WRNIP1: variants seen among roughly 807,000 people sequenced by gnomAD.
WRNIP1 encodes WRN helicase interacting protein 1, also known as ATPase WRNIP1.
WRNIP1 carries 41 observed loss-of-function variants against 56.1 expected under a neutral mutation model. That is an observed-to-expected ratio of 0.73 (90% CI 0.57 to 0.95). The LOEUF (loss-of-function observed/expected upper bound fraction) is 0.95. WRNIP1 is among the 40% of genes least tolerant of loss of function. WRNIP1 has a pLI of 0.00. For missense variants in WRNIP1, 1,170 were observed against 939.4 expected (o/e 1.25, Z -3.21); for synonymous variants, 547 against 398.1 (o/e 1.37, Z -4.45).
chr6:2,783,573 G>T lies in WRNIP1; in HGVS notation c.1642+12G>T. ...CAGCGAGGACATAGGTGAGTGTGAT[G>T]GGAGGGTCCCGGAGTCCTATGTCCA... On this transcript the variant is annotated intron_variant, in intron 5 of 6. Transcript: ENST00000380773. The T allele has an allele frequency of 6.3e-7, 1 of 1,594,922 alleles. No homozygotes were observed. The highest frequency in any genetic ancestry group is 1.1e-5 in the South Asian group (1 of 89,214).
In WRNIP1 at chr6:2,770,210, C is replaced by A. The variant is rs1297010919; in HGVS notation, c.1105C>A (p.Leu369Met). 6.2e-7 allele frequency: 1 copy of A among 1,614,226 alleles called. No individual in the cohort carries two copies. The highest frequency in any genetic ancestry group is 8.5e-7 in the Non-Finnish European group (1 of 1,180,046). The change falls in exon 3 of 7, where the codon CTG becomes ATG. Residue 369 changes from leucine (L) to methionine (M), a missense_variant. Physicochemically the swap from Leu to Met is conservative, Grantham distance 15. Transcript: ENST00000380773. ...NPSFQVNAALLSRCRVIVLEK... is the reference protein window; with the variant it reads ...NPSFQVNAALMSRCRVIVLEK... Reference sequence around the variant, plus strand: ...TTCCTTCCAGGTCAACGCTGCTCTTCTGAGCCGCTGTCGAGTGATTGTTCT... The same window carrying A: ...TTCCTTCCAGGTCAACGCTGCTCTTATGAGCCGCTGTCGAGTGATTGTTCT...
At position 2,784,908 on chromosome 6, in the gene WRNIP1, ATCT is replaced by A. The variant is rs1305580919; in HGVS notation, c.1723-95_1723-93del. On this transcript the variant is annotated intron_variant, in intron 6 of 6. Transcript: ENST00000380773. ...AGGGGGATAATAAAAGCATGTGGGG[ATCT>A]TCTCAGAATTACCTAGAGCTGTGTA... 3.5e-6 allele frequency: 5 copies of A among 1,432,900 alleles called. No individual in the cohort carries two copies. The South Asian group carries it at 4.0e-5, about 11-fold the overall frequency. The allele number at this position is 1,432,900 out of a possible 1,614,324, so 88.8% of individuals were successfully genotyped here.
chr6:2,777,327 A>C (rs1337417480), intron 3 of WRNIP1, among the ~76,000 whole-genome samples: 1 of 140,358 alleles, frequency 7.1e-6, no homozygotes, highest in Non-Finnish European at 1.6e-5. Context: ...TGCTCCGCAT[A>C]GTAGGGATGA....
In WRNIP1 at chr6:2,784,309, C is replaced by T. The variant is rs1765655520; in HGVS notation, c.1643-15C>T. Reference sequence around the variant, plus strand: ...TGTCATGACTGAAACTCTCCTTTGTCTCTGTGTGTGGCAGGTCTGGCAGAC... The same window carrying T: ...TGTCATGACTGAAACTCTCCTTTGTTTCTGTGTGTGGCAGGTCTGGCAGAC... On this transcript the variant is annotated splice_polypyrimidine_tract_variant and intron_variant, in intron 5 of 6. Transcript: ENST00000380773. 1.2e-6 allele frequency: 2 copies of T among 1,611,198 alleles called. No homozygotes were observed. Among genetic ancestry groups the T allele is most frequent in the African/African-American group, 1.3e-5 (1 of 74,872 alleles).
Position 2,765,583 on chromosome 6 carries a change from G to T in WRNIP1, c.-40G>T. 1 of 1,451,572 alleles carries T rather than the reference G, an allele frequency of 6.9e-7. No individual in the cohort carries two copies. Among genetic ancestry groups the T allele is most frequent in the Non-Finnish European group, 9.0e-7 (1 of 1,107,988 alleles). The allele number at this position is 1,451,572 out of a possible 1,614,324, so 89.9% of individuals were successfully genotyped here. A position where few individuals can be genotyped will look rare whatever the true frequency, so the allele number is the denominator to read the frequency against. ...GAAGGCCTCCGCGTGCGCACGGGTTGCTGCGGCCGCGCCGGGCGCCGGGGA... is the reference window on the plus strand; with the variant it reads ...GAAGGCCTCCGCGTGCGCACGGGTTTCTGCGGCCGCGCCGGGCGCCGGGGA... On this transcript the variant is annotated 5_prime_UTR_variant, in exon 1 of 7. Transcript: ENST00000380773.
intron 3 of WRNIP1, chr6:2,774,207 GT>G: frequency 1.0e-6 from 1 of 985,206 alleles, no homozygotes; most frequent in Non-Finnish European, 1.2e-6. Flanking sequence ...TAATACAAGG[GT>G]GCATTAAAAT....
At position 2,766,242 on chromosome 6, in the gene WRNIP1, G is replaced by T. The variant is rs901083067; in HGVS notation, c.620G>T (p.Arg207Leu). Residue 207 changes from arginine (R) to leucine (L), a missense_variant, in exon 1 of 7, where the codon CGC (arginine) becomes CTC (leucine). Physicochemically the swap from Arg to Leu is moderately radical, Grantham distance 102 (BLOSUM62 -2). Coordinates refer to ENST00000380773, the MANE Select transcript of WRNIP1 (RefSeq NM_020135.3). ...ATAFGASGGG[R>L]PHPRALAAEE... ...GCCTTCGGGGCCAGTGGCGGGGGCC[G>T]CCCGCACCCCCGGGCGCTGGCTGCC... 3 of 1,477,306 alleles carry T rather than the reference G, an allele frequency of 2.0e-6. No homozygotes were observed. Among genetic ancestry groups the T allele is most frequent in the African/African-American group, 2.8e-5 (2 of 70,420 alleles). The allele number at this position is 1,477,306 out of a possible 1,614,324, so 91.5% of individuals were successfully genotyped here. A position where few individuals can be genotyped will look rare whatever the true frequency, so the allele number is the denominator to read the frequency against.
In WRNIP1 at chr6:2,786,829, C is replaced by T. The variant is rs940946996; in HGVS notation, c.*1547C>T. The T allele has an allele frequency of 6.6e-6, 1 of 152,192 alleles. No homozygotes were observed. The highest frequency in any genetic ancestry group is 2.4e-5 in the African/African-American group (1 of 41,428). 9.4% of individuals were successfully genotyped at this position (152,192 alleles called of 1,614,324 possible). A position where few individuals can be genotyped will look rare whatever the true frequency, so the allele number is the denominator to read the frequency against. The stretch of plus-strand genomic sequence containing the variant: ...GCTCCCCGTGTTTTAAAAGTCTGCA[C>T]TGGGTACTTGTTGGGCCTTTCAATC... On this transcript the variant is annotated 3_prime_UTR_variant, in exon 7 of 7. Transcript: ENST00000380773.
Position 2,765,889 on chromosome 6 carries a change from C to T in WRNIP1, c.267C>T (p.Ala89=), listed in dbSNP as rs534747373. Residue 89 remains alanine, a synonymous_variant, in exon 1 of 7, where the codon GCC becomes GCT. Transcript: ENST00000380773. The part of the protein sequence containing the change: ...ALKQPATPTA[A]ESSEGEGEEG... ...AGCAGCCAGCCACCCCGACGGCAGC[C>T]GAGAGCAGCGAGGGCGAGGGTGAGG... is the stretch of plus-strand genomic sequence containing the variant. The T allele has an allele frequency of 3.6e-4, 523 of 1,451,994 alleles. 3 individuals are homozygous for T. In the African/African-American group the frequency reaches 7.1e-3, roughly 20 times the overall value. The allele number at this position is 1,451,994 out of a possible 1,614,324, so 89.9% of individuals were successfully genotyped here.
intron 3 of WRNIP1, among the ~76,000 whole-genome samples, chr6:2,778,183 TC>T (rs1176340541): frequency 6.6e-6 from 1 of 152,122 alleles, no homozygotes; most frequent in East Asian, 1.9e-4. Flanking sequence ...CTGCCACCCC[TC>T]CCCGGCCCAG....
chr6:2,766,394 A>G lies in WRNIP1; in HGVS notation c.772A>G (p.Thr258Ala), dbSNP rs1764988554. ...QDTLLRSLLETNEIPSLILWG... is the reference protein window; with the variant it reads ...QDTLLRSLLEANEIPSLILWG... ...TACCCTGCTGCGCTCGCTCCTGGAG[A>G]CCAACGAAATCCCCTCGCTTATCCT... is the stretch of plus-strand genomic sequence containing the variant. Residue 258 changes from threonine (T) to alanine (A), a missense_variant, in exon 1 of 7, where the codon ACC becomes GCC. Physicochemically the swap from Thr to Ala is moderately conservative, Grantham distance 58 (BLOSUM62 0). Transcript: ENST00000380773. 3 of 1,606,750 alleles carry G rather than the reference A, an allele frequency of 1.9e-6. No individual in the cohort carries two copies. The East Asian group carries it at 6.7e-5, about 36-fold the overall frequency.
rs772915657 is a variant in WRNIP1 at position 2,766,387 on chromosome 6, C to G, written c.765C>G (p.Leu255=). 6.8e-6 allele frequency: 11 copies of G among 1,607,892 alleles called. No individual in the cohort carries two copies. The Admixed American group carries it at 1.5e-4, about 22-fold the overall frequency. The change falls in exon 1 of 7, where the codon CTC becomes CTG. Residue 255 remains leucine (L), a synonymous_variant. Transcript: ENST00000380773. The part of the protein sequence containing the change: ...AVGQDTLLRS[L]LETNEIPSLI... Reference sequence around the variant, plus strand: ...GCCAGGATACCCTGCTGCGCTCGCTCCTGGAGACCAACGAAATCCCCTCGC... The same window carrying G: ...GCCAGGATACCCTGCTGCGCTCGCTGCTGGAGACCAACGAAATCCCCTCGC...
chr6:2,768,084 C>T (rs979233986), intron 1 of WRNIP1, among the ~76,000 whole-genome samples: 2 of 152,122 alleles, frequency 1.3e-5, no homozygotes, highest in Non-Finnish European at 2.9e-5. Context: ...AGTGCTTTAC[C>T]TGGGTCTCCT....
At chr6:2,784,601 C>T (rs1765663464) in intron 6 of WRNIP1, among the ~76,000 whole-genome samples, 198 bp downstream of exon 6, 1 of 152,174 alleles carries the variant, frequency 6.6e-6, no homozygotes, top group African/African-American at 2.4e-5. Flanking sequence ...GGTCATGTTT[C>T]AAACTGTTCT....
rs888586167 is a variant in WRNIP1 at position 2,765,414 on chromosome 6, G to C, written c.-209G>C. Reference sequence around the variant, plus strand: ...AACTACACTTCCCGACACGCCGCGTGAGGCGCTGCCAGCGGCCGGCCGAGG... The same window carrying C: ...AACTACACTTCCCGACACGCCGCGTCAGGCGCTGCCAGCGGCCGGCCGAGG... On this transcript the variant is annotated 5_prime_UTR_variant, in exon 1 of 7. Coordinates refer to ENST00000380773, the MANE Select transcript of WRNIP1 (RefSeq NM_020135.3). The C allele has an allele frequency of 1.7e-5, 8 of 465,466 alleles. No homozygotes were observed. Among genetic ancestry groups the C allele is most frequent in the African/African-American group, 1.4e-4 (7 of 48,680 alleles). The allele number at this position is 465,466 out of a possible 1,614,324, so 28.8% of individuals were successfully genotyped here.
intron 3 of WRNIP1, among the ~76,000 whole-genome samples, chr6:2,770,948 G>A (rs748661280): frequency 2.0e-5 from 3 of 152,290 alleles, no homozygotes; most frequent in Middle Eastern, 3.4e-3. Context: ...TCCTTTTAGT[G>A]ACCTATTTCT....
intron 4 of WRNIP1, among the ~76,000 whole-genome samples, chr6:2,781,537 G>C (rs1765561049): frequency 6.6e-6 from 1 of 152,176 alleles, no homozygotes; most frequent in Admixed American, 6.5e-5. Flanking sequence ...GTGAGACAAA[G>C]ACCCACCCCC....
rs1374174520 is a variant in WRNIP1, at chr6:2,786,791, C to G, written c.*1509C>G. On this transcript the variant is annotated 3_prime_UTR_variant, in exon 7 of 7. Transcript: ENST00000380773. ...TTTGTAACCTCTATCAACTTGTAGA[C>G]TCTTCTGTCTTTGCTCCCCGTGTTT... 6.6e-6 allele frequency: 1 copy of G among 152,222 alleles called. No homozygotes were observed. Among genetic ancestry groups the G allele is most frequent in the African/African-American group, 2.4e-5 (1 of 41,446 alleles). 9.4% of individuals were successfully genotyped at this position (152,222 alleles called of 1,614,324 possible). A position where few individuals can be genotyped will look rare whatever the true frequency, so the allele number is the denominator to read the frequency against.
chr6:2,769,276 T>G (rs1198881602), intron 2 of WRNIP1, among the ~76,000 whole-genome samples: 2 of 152,006 alleles, frequency 1.3e-5, no homozygotes, highest in Non-Finnish European at 2.9e-5. Context: ...AATTAAACAA[T>G]CGGTATTTTC....
Sources: gnomAD v4.1 joint callset for allele counts (sites outside exome capture counted in the v4.1 genomes callset) on GRCh38, gnomAD v4.1.1 for gene constraint, MANE v1.5 for transcripts, NCBI Gene and HGNC (gene_info 2026-07-23, HGNC 2026-07-21) for gene names.